The following GFPT2 variants were observed in gnomAD, a reference collection of about 807,000 sequenced individuals.
The protein encoded by GFPT2 is glutamine--fructose-6-phosphate aminotransferase [isomerizing] 2.
GFPT2 carries 62 observed loss-of-function variants against 85.6 expected under a neutral mutation model. The ratio of observed to expected loss-of-function variants is 0.72; its 90% CI spans 0.59 to 0.90. The LOEUF (loss-of-function observed/expected upper bound fraction) is 0.90, where lower values mean the gene tolerates loss of function less well. Among genes scored for constraint, GFPT2 ranks in the 40% least tolerant of loss-of-function variants. The pLI is 0.00. For missense variants in GFPT2, 788 were observed against 893.4 expected (o/e 0.88, Z 1.50); for synonymous variants, 368 against 344.5 (o/e 1.07, Z -0.75).
intron 13 of GFPT2, among the ~76,000 whole-genome samples, chr5:180,315,965 A>G (rs1763998782): frequency 6.6e-6 from 1 of 152,222 alleles, no homozygotes; most frequent in Non-Finnish European, 1.5e-5. Context: ...GTGACTCTCA[A>G]CCTAACAAAA....
At chr5:180,352,453 C>A (rs1383710593) in intron 1 of GFPT2, 2 of 452,652 alleles carry the variant, frequency 4.4e-6, no homozygotes, top group South Asian at 3.1e-5. Context: ...TGCAGATGTG[C>A]GCTCCGGGCC....
rs536998899 is a variant in GFPT2 at position 180,338,021 on chromosome 5, G to A, written c.115+472C>T. Among the ~76,000 whole-genome samples the A allele has an allele frequency of 3.3e-5, 5 of 151,942 alleles. No homozygotes were observed. In the East Asian group the frequency reaches 9.7e-4, roughly 29 times the overall value. ...GTGGTGCACGCCTGTAGTCCCAGAT[G>A]CTGAGGAGGCTGAGGGTCGCCTGAG... On this transcript the variant is annotated intron_variant, in intron 2 of 18. Coordinates refer to ENST00000253778, the MANE Select transcript of GFPT2 (RefSeq NM_005110.4).
intron 1 of GFPT2, among the ~76,000 whole-genome samples, chr5:180,347,282 A>G (rs1486143162): frequency 6.6e-6 from 1 of 152,226 alleles, no homozygotes; most frequent in Non-Finnish European, 1.5e-5. Context: ...GCCCTGGGCC[A>G]AGCATCCTTC....
chr5:180,321,950 ATTT>A (rs368624976), intron 9 of GFPT2, among the ~76,000 whole-genome samples: 2 of 147,578 alleles, frequency 1.4e-5, no homozygotes, highest in African/African-American at 5.0e-5. Context: ...CGCCCGGCTG[ATTT>A]TTTTTTTGTA....
Position 180,330,762 on chromosome 5 carries a change from C to T in GFPT2, c.472G>A (p.Asp158Asn), listed in dbSNP as rs753499695. The change falls in exon 6 of 19, where the codon GAC becomes AAC. Residue 158 changes from aspartate (D) to asparagine (N), a missense_variant. Coordinates refer to ENST00000253778, the MANE Select transcript of GFPT2 (RefSeq NM_005110.4). The surrounding 1 kb of genome is among the most constrained non-coding windows in gnomAD (Gnocchi z 4.4). The stretch of plus-strand genomic sequence containing the variant: ...GTAATGTCCTCAGTTTCTCTGTTGT[C>T]GAACACATATTTAATCAGCTTGGCG... ...TIAKLIKYVF[D>N]NRETEDITFS... is the part of the protein sequence containing the mutation. The T allele has an allele frequency of 7.4e-6, 12 of 1,612,778 alleles. No individual in the cohort carries two copies. Among genetic ancestry groups the T allele is most frequent in the South Asian group, 1.1e-5 (1 of 91,060 alleles).
rs780725432 is a variant in GFPT2 at position 180,304,782 on chromosome 5, G to A, written c.1832C>T (p.Thr611Met). 9.3e-6 allele frequency: 15 copies of A among 1,612,838 alleles called. No individual in the cohort carries two copies. Among genetic ancestry groups the A allele is most frequent in the South Asian group, 2.2e-5 (2 of 91,048 alleles). Reference sequence around the variant, plus strand: ...GTGGAGAGCCCTCACCTGGCGGGCCGTGACTTGCTGCAGGGCGTTCTGGCA... The same window carrying A: ...GTGGAGAGCCCTCACCTGGCGGGCCATGACTTGCTGCAGGGCGTTCTGGCA... Reference protein sequence around the residue: ...AKCQNALQQVTARQGRPIILC... With the variant: ...AKCQNALQQVMARQGRPIILC... The change falls in exon 17 of 19, where the codon ACG becomes ATG. Residue 611 changes from threonine (T) to methionine (M), a missense_variant. Coordinates refer to ENST00000253778, the MANE Select transcript of GFPT2 (RefSeq NM_005110.4).
intron 10 of GFPT2, 28 bp from the exon 11 acceptor site, chr5:180,317,086 T>C (rs1320198290): frequency 9.2e-6 from 12 of 1,310,408 alleles, no homozygotes; most frequent in Non-Finnish European, 1.1e-5. Flanking sequence ...TGGTCAGTTT[T>C]AATTTCATTA....
rs1469670132 is a variant in GFPT2, at chr5:180,330,205, CA to C, written c.534+494del. ...GTGTGGTGGTGCGTGCCTGTAGTCTCAGCTAACTCAGGAGGCTGAGGCAGGA... is the reference window on the plus strand; with the variant it reads ...GTGTGGTGGTGCGTGCCTGTAGTCTCGCTAACTCAGGAGGCTGAGGCAGGA... On this transcript the variant is annotated intron_variant, in intron 6 of 18. Transcript: ENST00000253778. This position sits in a 1 kb window ranked among gnomAD's most constrained non-coding sequence, Gnocchi z 4.4. Among the ~76,000 whole-genome samples, 1 of 152,202 alleles carries C rather than the reference CA, an allele frequency of 6.6e-6. No homozygotes were observed. The highest frequency in any genetic ancestry group is 2.4e-5 in the African/African-American group (1 of 41,464).
At position 180,307,251 on chromosome 5, in the gene GFPT2, C is replaced by G. The variant is rs761190179; in HGVS notation, c.1599G>C (p.Leu533=). The part of the protein sequence containing the change: ...SLEEKIHDLA[L]ELYTQRSLLV... Reference sequence around the variant, plus strand: ...GCAGCGATCTCTGCGTGTAGAGCTCCAGGGCCAAGTCGTGGATCTTCTCCT... The same window carrying G: ...GCAGCGATCTCTGCGTGTAGAGCTCGAGGGCCAAGTCGTGGATCTTCTCCT... Residue 533 remains leucine (L), a synonymous_variant, in exon 16 of 19, where the codon CTG becomes CTC. Transcript: ENST00000253778. 7.5e-6 allele frequency: 12 copies of G among 1,602,638 alleles called. No individual in the cohort carries two copies. In the Admixed American group the frequency reaches 1.4e-4, roughly 18 times the overall value.
At chr5:180,313,548 C>CCA (rs1561874010) in intron 14 of GFPT2, among the ~76,000 whole-genome samples, 1 of 151,444 alleles carries the variant, frequency 6.6e-6, no homozygotes, top group African/African-American at 2.4e-5. Context: ...CGAGATCGCG[C>CCA]CCCTGCACTC....
rs1554133063 is a variant in GFPT2 at position 180,312,067 on chromosome 5, C to CAGGGAGGCGGGGAAGT, written c.1546+362_1546+363insACTTCCCCGCCTCCCT. Among the ~76,000 whole-genome samples, 7 of 44,122 alleles carry CAGGGAGGCGGGGAAGT rather than the reference C, an allele frequency of 1.6e-4. 2 individuals are homozygous for CAGGGAGGCGGGGAAGT. The highest frequency in any genetic ancestry group is 5.8e-4 in the African/African-American group (7 of 11,998). 28.9% of individuals were successfully genotyped at this position (44,122 alleles called of 152,430 possible). On this transcript the variant is annotated intron_variant, in intron 15 of 18. Transcript: ENST00000253778. ...GCTGAGGGGCAGGGAGGCAGGGAGG[C>CAGGGAGGCGGGGAAGT]GGGGAGGCTGAGGACCAGGGAGGCA... is the stretch of plus-strand genomic sequence containing the variant.
intron 1 of GFPT2, chr5:180,352,864 C>T: frequency 4.9e-6 from 2 of 408,636 alleles, no homozygotes; most frequent in South Asian, 2.7e-5. Flanking sequence ...TGGAGGAGAG[C>T]GACCTCGGTC....
intron 1 of GFPT2, among the ~76,000 whole-genome samples, chr5:180,342,056 G>T (rs367747631): frequency 4.6e-5 from 7 of 152,268 alleles, no homozygotes; most frequent in African/African-American, 1.7e-4. Context: ...TAAGTCTCAT[G>T]AGATCGGATG....
intron 7 of GFPT2, among the ~76,000 whole-genome samples, chr5:180,326,585 G>C (rs1362080268): frequency 1.3e-5 from 2 of 152,240 alleles, no homozygotes; most frequent in East Asian, 3.8e-4. Context: ...CTGGGGCTTT[G>C]AGGAAGGTGC....
intron 15 of GFPT2, among the ~76,000 whole-genome samples, chr5:180,309,379 C>A (rs1436972583): frequency 1.3e-5 from 2 of 152,206 alleles, no homozygotes; most frequent in Non-Finnish European, 2.9e-5. Context: ...GGGATGGCTG[C>A]TTCTCTTGAG....
chr5:180,313,895 G>A lies in GFPT2; in HGVS notation c.1343C>T (p.Thr448Ile). Residue 448 changes from threonine to isoleucine, a missense_variant, in exon 14 of 19, where the codon ACC (threonine) becomes ATC (isoleucine). Thr to Ile is a moderately conservative substitution (Grantham distance 89, BLOSUM62 -1). Coordinates refer to ENST00000253778, the MANE Select transcript of GFPT2 (RefSeq NM_005110.4). ...KDRGALTVGV[T>I]NTVGSSISRE... ...AGAGATGGAGCTGCCCACGGTGTTG[G>A]TGACGCCCACGGTGAGAGCGCCGCG... is the stretch of plus-strand genomic sequence containing the variant. 8.1e-6 allele frequency: 13 copies of A among 1,607,170 alleles called. No individual in the cohort carries two copies. The highest frequency in any genetic ancestry group is 1.1e-5 in the Non-Finnish European group (13 of 1,179,452).
chr5:180,316,346 T>A lies in GFPT2; in HGVS notation c.1268A>T (p.Gln423Leu). The change falls in exon 13 of 19, where the codon CAG (glutamine) becomes CTG (leucine). Residue 423 changes from glutamine to leucine, a missense_variant. Coordinates refer to ENST00000253778, the MANE Select transcript of GFPT2 (RefSeq NM_005110.4). ...FRDDVCFFIS[Q>L]SGETADTLLA... ...ACAATGCCTGTGTCCCTTACCTGAC[T>A]GGCTGATGAAAAAGCAAACGTCATC... 6.2e-7 allele frequency: 1 copy of A among 1,614,128 alleles called. No homozygotes were observed. The highest frequency in any genetic ancestry group is 1.3e-5 in the African/African-American group (1 of 75,056).
intron 13 of GFPT2, among the ~76,000 whole-genome samples, chr5:180,316,084 G>A (rs58979087): frequency 0.024 from 3,639 of 152,294 alleles, 119 homozygotes; most frequent in East Asian, 0.14. Flanking sequence ...GAAGCCACGG[G>A]GCAGGGGAAA....
At chr5:180,347,666 C>A (rs953565481) in intron 1 of GFPT2, among the ~76,000 whole-genome samples, 1 of 152,150 alleles carries the variant, frequency 6.6e-6, no homozygotes, top group Non-Finnish European at 1.5e-5. Flanking sequence ...GCAGGCAGGG[C>A]CTCTGAAGCT....
Sources: allele counts gnomAD v4.1 joint callset (sites outside exome capture counted in the v4.1 genomes callset), GRCh38; gene constraint gnomAD v4.1.1; non-coding constraint Gnocchi (gnomAD v3.1); transcripts MANE v1.5; gene names NCBI Gene and HGNC (gene_info 2026-07-23, HGNC 2026-07-21).